Variants in PAQR5 observed in about 807,000 individuals in gnomAD.
PAQR5 encodes the protein membrane progestin receptor gamma.
Under a neutral mutation model 34.5 loss-of-function variants are expected in PAQR5, and 20 were observed. The ratio of observed to expected loss-of-function variants is 0.58; its 90% CI spans 0.41 to 0.84. The LOEUF is 0.84. Ranked by LOEUF, PAQR5 falls within the 40% of genes least tolerant of loss-of-function variation. The pLI is 0.00. For missense variants in PAQR5, 378 were observed against 412.7 expected, an observed-to-expected ratio of 0.92 and a Z score of 0.73; for synonymous variants, 131 against 155.6, an observed-to-expected ratio of 0.84 and a Z score of 1.18.
At chr15:69,333,613 G>A (rs1171624138) in intron 1 of PAQR5, among the ~76,000 whole-genome samples, 4 of 152,182 alleles carry the variant, frequency 2.6e-5, no homozygotes, top group Non-Finnish European at 4.4e-5. Context: ...GGAATGCAGG[G>A]TAGAAGCATT....
At chr15:69,402,519 T>C (rs532708746) in intron 8 of PAQR5, among the ~76,000 whole-genome samples, 2 of 152,158 alleles carry the variant, frequency 1.3e-5, no homozygotes, top group Non-Finnish European at 2.9e-5. Context: ...GGTTTCATCA[T>C]GTTAGCCAAA....
chr15:69,383,978 T>A (rs2056016113), intron 4 of PAQR5, among the ~76,000 whole-genome samples: 1 of 87,690 alleles, frequency 1.1e-5, no homozygotes, highest in African/African-American at 4.9e-5. Context: ...TCTGTGTTCA[T>A]CGTGGAGGGT....
intron 1 of PAQR5, among the ~76,000 whole-genome samples, chr15:69,323,602 A>G (rs1349663575): frequency 5.3e-5 from 8 of 152,252 alleles, no homozygotes; most frequent in Non-Finnish European, 1.0e-4. Flanking sequence ...GCCAAGAGTT[A>G]GAGGACTCAT....
intron 4 of PAQR5, 71 bp downstream of exon 4, chr15:69,380,081 G>A: frequency 6.5e-7 from 1 of 1,544,242 alleles, no homozygotes; most frequent in Non-Finnish European, 8.9e-7. Flanking sequence ...TTAAAACATG[G>A]CTAGTGTTGA....
chr15:69,393,190 C>T (rs1239359027), intron 6 of PAQR5, among the ~76,000 whole-genome samples: 2 of 127,716 alleles, frequency 1.6e-5, no homozygotes, highest in African/African-American at 2.9e-5. Flanking sequence ...TGTGGCCCTT[C>T]CAGTGCCCTT....
intron 2 of PAQR5, among the ~76,000 whole-genome samples, chr15:69,355,123 T>C (rs1371043330): frequency 2.0e-5 from 3 of 152,048 alleles, no homozygotes. Flanking sequence ...TTGGCTTCCA[T>C]TATCACATGA....
At position 69,386,588 on chromosome 15, in the gene PAQR5, C is replaced by T. The variant is rs571142785; in HGVS notation, c.385+1706C>T. ...ACATCCCTCCCTCCCTCCCGGATTC[C>T]CTCCCACCCTCCGGATCCCCTCTTA... On this transcript the variant is annotated intron_variant, in intron 5 of 8. Coordinates refer to ENST00000395407, the MANE Select transcript of PAQR5 (RefSeq NM_017705.4). 4.0e-5 allele frequency among the ~76,000 whole-genome samples: 6 copies of T among 150,588 alleles called. No individual in the cohort carries two copies. The South Asian group carries it at 1.1e-3, about 27-fold the overall frequency.
At chr15:69,375,048 C>T (rs1314538293) in intron 3 of PAQR5, among the ~76,000 whole-genome samples, 1 of 152,210 alleles carries the variant, frequency 6.6e-6, no homozygotes, top group Non-Finnish European at 1.5e-5. Context: ...TTCAGAGGCA[C>T]TGGCTTGCAT....
At chr15:69,316,863 C>A (rs569836597) in intron 1 of PAQR5, among the ~76,000 whole-genome samples, 1 of 152,128 alleles carries the variant, frequency 6.6e-6, no homozygotes, top group African/African-American at 2.4e-5. Flanking sequence ...CTCTGTCCCC[C>A]AGGCTGCGTG....
intron 6 of PAQR5, among the ~76,000 whole-genome samples, chr15:69,394,338 GA>G (rs1339252881): frequency 6.6e-6 from 1 of 152,022 alleles, no homozygotes; most frequent in Non-Finnish European, 1.5e-5. Context: ...TTGGCCAGAG[GA>G]TAAAGTGCTG....
chr15:69,363,901 G>A (rs1305651604), intron 3 of PAQR5, among the ~76,000 whole-genome samples: 1 of 152,066 alleles, frequency 6.6e-6, no homozygotes, highest in Non-Finnish European at 1.5e-5. Flanking sequence ...CAGGCTACAG[G>A]TAAACACATC....
intron 1 of PAQR5, among the ~76,000 whole-genome samples, chr15:69,318,063 C>T (rs563123579): frequency 7.3e-4 from 111 of 152,340 alleles, no homozygotes; most frequent in Middle Eastern, 3.4e-3. Context: ...TGAGTGCTAT[C>T]CCATACATCG....
chr15:69,393,525 T>G (rs1048881336), intron 6 of PAQR5, among the ~76,000 whole-genome samples: 1 of 148,088 alleles, frequency 6.8e-6, no homozygotes, highest in African/African-American at 2.5e-5. Flanking sequence ...CCTCTCTGGT[T>G]TGGGCATCGT....
At chr15:69,391,652 T>A (rs1416499026) in intron 6 of PAQR5, 2 of 455,786 alleles carry the variant, frequency 4.4e-6, no homozygotes, top group African/African-American at 2.0e-5. Context: ...TCTGGTTCGC[T>A]CTCCTAGGGC....
In PAQR5 at chr15:69,404,650, G is replaced by T; in HGVS notation, c.*828G>T. 3.5e-6 allele frequency: 1 copy of T among 287,824 alleles called. No homozygotes were observed. The highest frequency in any genetic ancestry group is 6.4e-6 in the Non-Finnish European group (1 of 156,732). The allele number at this position is 287,824 out of a possible 1,614,324, so 17.8% of individuals were successfully genotyped here. A position where few individuals can be genotyped will look rare whatever the true frequency, so the allele number is the denominator to read the frequency against. On this transcript the variant is annotated 3_prime_UTR_variant, in exon 9 of 9. Transcript: ENST00000395407. Reference sequence around the variant, plus strand: ...CTCATATGCCACCTTTTAAACCAATGGAAATTGCTATATTTGGGGATGTCA... The same window carrying T: ...CTCATATGCCACCTTTTAAACCAATTGAAATTGCTATATTTGGGGATGTCA...
rs544131999 is a variant in PAQR5, at chr15:69,348,981, A to T, written c.-115-10985A>T. Among the ~76,000 whole-genome samples, 5 of 152,330 alleles carry T rather than the reference A, an allele frequency of 3.3e-5. No individual in the cohort carries two copies. The East Asian group carries it at 9.6e-4, about 29-fold the overall frequency. On this transcript the variant is annotated intron_variant, in intron 2 of 8. Transcript: ENST00000395407. ...AGACTGCCATTGACGTCAGGTAACT[A>T]AAACTATGGAAGGCAAAACCTTGGA...
In PAQR5 at chr15:69,384,845, C is replaced by T. The variant is rs751586669; in HGVS notation, c.348C>T (p.Tyr116=). 1 of 1,614,132 alleles carries T rather than the reference C, an allele frequency of 6.2e-7. No homozygotes were observed. The highest frequency in any genetic ancestry group is 1.1e-5 in the South Asian group (1 of 91,078). ...CCAAGAATGCCCGGCACATTTGCTA[C>T]TTCCTGGACTATGGTGCCGTCAACC... ...SMSKNARHIC[Y]FLDYGAVNLF... Residue 116 remains tyrosine, a synonymous_variant, in exon 5 of 9, where the codon TAC becomes TAT. Transcript: ENST00000395407.
chr15:69,310,905 G>A (rs1311489446), intron 1 of PAQR5, among the ~76,000 whole-genome samples: 3 of 151,630 alleles, frequency 2.0e-5, no homozygotes, highest in East Asian at 3.9e-4. Flanking sequence ...CGGGTGTGGT[G>A]GCGGGCGCCT....
At chr15:69,345,078 A>G (rs1389010375) in intron 2 of PAQR5, among the ~76,000 whole-genome samples, 1 of 151,956 alleles carries the variant, frequency 6.6e-6, no homozygotes, top group Non-Finnish European at 1.5e-5. Context: ...TGGGTGACAG[A>G]GTGAGACCCT....
Sources: gnomAD v4.1 joint callset for allele counts (sites outside exome capture counted in the v4.1 genomes callset) on GRCh38, gnomAD v4.1.1 for gene constraint, MANE v1.5 for transcripts, NCBI Gene and HGNC (gene_info 2026-07-23, HGNC 2026-07-21) for gene names.